Variants in PKHD1 observed in about 807,000 individuals in gnomAD.
The protein encoded by PKHD1 is fibrocystin.
A neutral mutation model predicts 412.0 loss-of-function variants in PKHD1; 291 were observed. The ratio of observed to expected loss-of-function variants is 0.71; its 90% CI spans 0.64 to 0.78. The LOEUF (loss-of-function observed/expected upper bound fraction) is 0.78, where lower values mean the gene tolerates loss of function less well. Among genes scored for constraint, PKHD1 ranks in the 30% least tolerant of loss-of-function variants. The pLI is 0.00. For missense variants in PKHD1, 4,825 were observed against 4,950.7 expected (o/e 0.97, Z 0.76); for synonymous variants, 1,777 against 1,821.5 (o/e 0.98, Z 0.62).
intron 38 of PKHD1, 117 bp from the exon 39 acceptor site, chr6:51,912,073 A>C (rs1783043472): frequency 2.4e-6 from 2 of 839,430 alleles, no homozygotes; most frequent in Non-Finnish European, 3.9e-6. Flanking sequence ...TTTCTTTAGA[A>C]ACTCAATACC....
intron 52 of PKHD1, among the ~76,000 whole-genome samples, chr6:51,806,587 A>G (rs912457295): frequency 1.3e-5 from 2 of 152,196 alleles, no homozygotes; most frequent in African/African-American, 2.4e-5. Flanking sequence ...AAGACAAAAC[A>G]TATTTATGAG....
At chr6:51,628,239 C>T (rs1767521373) in intron 65 of PKHD1, among the ~76,000 whole-genome samples, 1 of 152,116 alleles carries the variant, frequency 6.6e-6, no homozygotes, top group Admixed American at 6.6e-5. Context: ...ACCTTCCCCA[C>T]TCAAGTAGAC....
At chr6:51,804,241 G>T (rs1309911073) in intron 52 of PKHD1, among the ~76,000 whole-genome samples, 1 of 150,230 alleles carries the variant, frequency 6.7e-6, no homozygotes. Flanking sequence ...ACCACCAACA[G>T]TCCACACAGA....
chr6:51,848,058 A>G lies in PKHD1; in HGVS notation c.7912-88T>C, dbSNP rs945578558. ...TCCACCACACCACCCTGCCAAAACA[A>G]CTACAGAGAACGCAGATGGAGTAGT... On this transcript the variant is annotated intron_variant, in intron 49 of 66. Coordinates refer to ENST00000371117, the MANE Select transcript of PKHD1 (RefSeq NM_138694.4). 7.1e-6 allele frequency: 6 copies of G among 845,498 alleles called. No individual in the cohort carries two copies. In the South Asian group the frequency reaches 8.1e-5, roughly 11 times the overall value. The allele number at this position is 845,498 out of a possible 1,614,324, so 52.4% of individuals were successfully genotyped here.
chr6:52,040,370 C>A (rs1272312402), intron 27 of PKHD1, among the ~76,000 whole-genome samples: 2 of 152,146 alleles, frequency 1.3e-5, no homozygotes, highest in Admixed American at 6.5e-5. Context: ...CATTATCTCT[C>A]CCCTGGATGT....
chr6:51,763,184 A>G (rs1350237849), intron 55 of PKHD1, among the ~76,000 whole-genome samples: 1 of 152,090 alleles, frequency 6.6e-6, no homozygotes, highest in Non-Finnish European at 1.5e-5. Flanking sequence ...TGAACTTGGA[A>G]CATTTACTTA....
At chr6:51,666,550 T>C (rs576746381) in intron 60 of PKHD1, among the ~76,000 whole-genome samples, 1 of 152,132 alleles carries the variant, frequency 6.6e-6, no homozygotes, top group African/African-American at 2.4e-5. Flanking sequence ...TAATTTTTTT[T>C]TAAATTTATT....
Position 52,056,884 on chromosome 6 carries a change from T to C in PKHD1, c.1602+6A>G, listed in dbSNP as rs371380418. On this transcript the variant is annotated splice_donor_region_variant and intron_variant, in intron 17 of 66. Transcript: ENST00000371117. Reference sequence around the variant, plus strand: ...CCCTCCCTCATTTTTTGAAGAAGTCTCCCACCAGATGGGCTGTGGCATTTG... The same window carrying C: ...CCCTCCCTCATTTTTTGAAGAAGTCCCCCACCAGATGGGCTGTGGCATTTG... The C allele has an allele frequency of 1.0e-4, 168 of 1,610,162 alleles. No homozygotes were observed. Among genetic ancestry groups the C allele is most frequent in the Non-Finnish European group, 1.4e-4 (166 of 1,176,512 alleles).
At chr6:51,934,052 A>T in intron 37 of PKHD1, 58 bp downstream of exon 37, 2 of 1,322,448 alleles carry the variant, frequency 1.5e-6, no homozygotes, top group Non-Finnish European at 2.2e-6. Flanking sequence ...CAGTTTTATC[A>T]GTTTCCACTG....
At chr6:52,070,356 G>A (rs1482386383) in intron 10 of PKHD1, 50 bp downstream of exon 10, 1 of 1,056,578 alleles carries the variant, frequency 9.5e-7, no homozygotes, top group Non-Finnish European at 1.5e-6. Flanking sequence ...AGAGAGATAG[G>A]TAATATAAAA....
chr6:51,909,514 A>G (rs1376707489), intron 39 of PKHD1, 40 bp from the exon 40 acceptor site: 1 of 1,465,274 alleles, frequency 6.8e-7, no homozygotes, highest in African/African-American at 1.4e-5. Context: ...TAAAGCATGT[A>G]GAACATGCTT....
intron 39 of PKHD1, among the ~76,000 whole-genome samples, chr6:51,911,323 A>C (rs1339503733): frequency 6.6e-6 from 1 of 152,140 alleles, no homozygotes; most frequent in East Asian, 1.9e-4. Flanking sequence ...AGATAAATTG[A>C]ATTTTTCCAC....
At chr6:51,853,532 CA>C (rs145155131) in intron 49 of PKHD1, among the ~76,000 whole-genome samples, 1 of 152,236 alleles carries the variant, frequency 6.6e-6, no homozygotes, top group East Asian at 1.9e-4. Context: ...AGCTTTTTTC[CA>C]TTCTCCCTGT....
intron 59 of PKHD1, 66 bp downstream of exon 59, chr6:51,746,655 T>G (rs571221599): frequency 1.8e-5 from 18 of 981,780 alleles, no homozygotes; most frequent in Non-Finnish European, 2.3e-5. Flanking sequence ...AAAAAACATG[T>G]TTAGGGTTTG....
chr6:51,801,816 G>C (rs956183167), intron 52 of PKHD1, among the ~76,000 whole-genome samples: 8 of 152,094 alleles, frequency 5.3e-5, no homozygotes, highest in African/African-American at 1.7e-4. Context: ...ATCACACACA[G>C]ACATGCATAA....
intron 17 of PKHD1, 44 bp from the exon 18 acceptor site, chr6:52,056,832 T>C: frequency 6.3e-7 from 1 of 1,586,638 alleles, no homozygotes. Flanking sequence ...ATCATGAGCA[T>C]AAAGACCACC....
chr6:51,901,257 C>T (rs1417017597), intron 43 of PKHD1, among the ~76,000 whole-genome samples: 3 of 152,154 alleles, frequency 2.0e-5, no homozygotes, highest in Non-Finnish European at 2.9e-5. Context: ...ATAGCAAAGA[C>T]TTGGAACCAA....
chr6:51,689,147 C>CAA (rs1168981485), intron 60 of PKHD1, among the ~76,000 whole-genome samples: 97 of 152,180 alleles, frequency 6.4e-4, no homozygotes, highest in Admixed American at 3.9e-4. Flanking sequence ...GCTTATCCAT[C>CAA]AAGATCAAGT....
intron 61 of PKHD1, among the ~76,000 whole-genome samples, chr6:51,655,915 T>C (rs1383438935): frequency 3.9e-5 from 6 of 152,162 alleles, no homozygotes; most frequent in African/African-American, 7.2e-5. Flanking sequence ...TCAACCATTG[T>C]GGAAGAGAGT....
Sources: gnomAD v4.1 joint callset for allele counts (sites outside exome capture counted in the v4.1 genomes callset) on GRCh38, gnomAD v4.1.1 for gene constraint, MANE v1.5 for transcripts, NCBI Gene and HGNC (gene_info 2026-07-23, HGNC 2026-07-21) for gene names.